The following MYH10 variants were observed in gnomAD, a reference collection of about 807,000 sequenced individuals.
MYH10 encodes myosin-10.
MYH10 carries 55 observed loss-of-function variants against 257.8 expected under a neutral mutation model. The observed-to-expected ratio is 0.21, with a 90% CI of 0.17 to 0.27. MYH10 has a LOEUF of 0.27. Among genes scored for constraint, MYH10 ranks in the 10% least tolerant of loss-of-function variants. MYH10 has a pLI of 1.00. For synonymous variants in MYH10, 854 were observed against 921.7 expected (o/e 0.93, Z 1.33); for missense variants, 1,631 against 2,500.6 (o/e 0.65, Z 7.42).
chr17:8,501,745 G>A (rs2080904128), intron 28 of MYH10, among the ~76,000 whole-genome samples: 1 of 152,174 alleles, frequency 6.6e-6, no homozygotes, highest in Non-Finnish European at 1.5e-5. Context: ...CAGGTCTATG[G>A]CCAGAGAATT....
At chr17:8,508,526 C>T (rs776176743) in intron 26 of MYH10, 28 bp downstream of exon 26, 2 of 1,613,562 alleles carry the variant, frequency 1.2e-6, no homozygotes, top group African/African-American at 2.7e-5. Flanking sequence ...TGTCCTAGTC[C>T]CTGATTTCTC....
At position 8,521,882 on chromosome 17, in the gene MYH10, A is replaced by G. The variant is rs767681418; in HGVS notation, c.1958-597T>C. On this transcript the variant is annotated intron_variant, in intron 17 of 42. Transcript: ENST00000360416. ...CTTCAGTTCTCTTCTCAAAACATGA[A>G]TAACACTTACTAAAGGGCAAGAACA... Among the ~76,000 whole-genome samples the G allele has an allele frequency of 4.6e-5, 7 of 152,240 alleles. 1 individual carries two copies. Among genetic ancestry groups the G allele is most frequent in the Non-Finnish European group, 1.0e-4 (7 of 68,044 alleles).
At chr17:8,572,967 G>C (rs2083396446) in intron 6 of MYH10, among the ~76,000 whole-genome samples, 1 of 152,198 alleles carries the variant, frequency 6.6e-6, no homozygotes, top group South Asian at 2.1e-4. Context: ...TAAACCATCA[G>C]GGGGCAGTGA....
chr17:8,511,071 T>TATATATATATATATATATAC (rs1336387130), intron 24 of MYH10: 5 of 82,326 alleles, frequency 6.1e-5, no homozygotes, highest in East Asian at 1.1e-3. Flanking sequence ...CACACATACA[T>TATATATATATATATATATAC]ACATACACAC....
chr17:8,551,940 G>T, intron 9 of MYH10, 106 bp downstream of exon 9: 2 of 484,622 alleles, frequency 4.1e-6, no homozygotes, highest in East Asian at 3.4e-5. Context: ...CTGGAAATTT[G>T]GTGTTTTGTG....
At chr17:8,585,286 G>GTATATATATATATATATATACATATA in intron 4 of MYH10, among the ~76,000 whole-genome samples, 1 of 84,632 alleles carries the variant, frequency 1.2e-5, no homozygotes, top group African/African-American at 4.4e-5. Context: ...ATGTGTGTGT[G>GTATATATATATATATATATACATATA]TGTATATATA....
chr17:8,606,917 G>A (rs2084833385), intron 2 of MYH10, among the ~76,000 whole-genome samples: 1 of 152,132 alleles, frequency 6.6e-6, no homozygotes, highest in Admixed American at 6.5e-5. Flanking sequence ...GCAAACCCTG[G>A]CTGGCCCTTG....
At chr17:8,589,606 C>T (rs2084043987) in intron 3 of MYH10, among the ~76,000 whole-genome samples, 1 of 152,006 alleles carries the variant, frequency 6.6e-6, no homozygotes, top group African/African-American at 2.4e-5. Context: ...GGAATCATTG[C>T]TAATGTCATC....
At chr17:8,549,320 G>A (rs1420850737) in intron 9 of MYH10, among the ~76,000 whole-genome samples, 2 of 152,242 alleles carry the variant, frequency 1.3e-5, no homozygotes, top group African/African-American at 4.8e-5. Context: ...AAGCCAGCTT[G>A]CTTGGTGGTT....
intron 7 of MYH10, among the ~76,000 whole-genome samples, chr17:8,563,905 AAAGAG>A (rs1471120214): frequency 1.1e-4 from 16 of 151,860 alleles, no homozygotes; most frequent in African/African-American, 3.9e-4. Context: ...AAAAAAAAAA[AAAGAG>A]AGAGAGAAAG....
intron 28 of MYH10, among the ~76,000 whole-genome samples, chr17:8,502,961 T>G (rs138793292): frequency 4.6e-5 from 7 of 152,322 alleles, no homozygotes; most frequent in Middle Eastern, 3.4e-3. Context: ...GCCCAGGACT[T>G]AAACTACTAA....
At chr17:8,590,911 T>C (rs1487849852) in intron 3 of MYH10, among the ~76,000 whole-genome samples, 2 of 145,440 alleles carry the variant, frequency 1.4e-5, no homozygotes, top group Non-Finnish European at 1.5e-5. Context: ...CTTGCTCTAT[T>C]GCCCAGGCTG....
In MYH10 at chr17:8,614,480, G is replaced by A. The variant is rs192774039; in HGVS notation, c.345+8422C>T. On this transcript the variant is annotated intron_variant, in intron 2 of 42. Transcript: ENST00000360416. ...ACCACAGGCACACGCCACCACACCTGGCTAATTTTTGTATTTTTAGTAGAG... is the reference window on the plus strand; with the variant it reads ...ACCACAGGCACACGCCACCACACCTAGCTAATTTTTGTATTTTTAGTAGAG... Among the ~76,000 whole-genome samples, 707 of 151,820 alleles carry A rather than the reference G, an allele frequency of 4.7e-3. 5 individuals are homozygous for A. Among genetic ancestry groups the A allele is most frequent in the African/African-American group, 0.016 (655 of 41,380 alleles).
chr17:8,527,517 A>G (rs2081886270), intron 17 of MYH10, among the ~76,000 whole-genome samples: 1 of 152,188 alleles, frequency 6.6e-6, no homozygotes, highest in South Asian at 2.1e-4. Context: ...GCAGCCTGGC[A>G]CCACGGCCTA....
intron 31 of MYH10, 35 bp downstream of exon 31, chr17:8,495,102 G>T (rs1215061255): frequency 7.8e-7 from 1 of 1,276,814 alleles, no homozygotes; most frequent in Non-Finnish European, 1.1e-6. Context: ...AGAAATGTTA[G>T]TTATTATAAA....
In MYH10 at chr17:8,630,680, G is replaced by C. The variant is rs542692276; in HGVS notation, c.-58C>G. The C allele has an allele frequency of 2.0e-5, 3 of 151,604 alleles. No homozygotes were observed. Among genetic ancestry groups the C allele is most frequent in the African/African-American group, 7.3e-5 (3 of 40,976 alleles). 9.4% of individuals were successfully genotyped at this position (151,604 alleles called of 1,614,324 possible). A position where few individuals can be genotyped will look rare whatever the true frequency, so the allele number is the denominator to read the frequency against. On this transcript the variant is annotated 5_prime_UTR_variant, in exon 1 of 43. Coordinates refer to ENST00000360416, the MANE Select transcript of MYH10 (RefSeq NM_001256012.3). ...TTCAGCCGAAGATGGTGGCGCGGGC[G>C]CACGTCCCCAGCCGCGACCACAGAT...
intron 17 of MYH10, among the ~76,000 whole-genome samples, chr17:8,524,278 TA>T (rs2081759500): frequency 6.6e-6 from 1 of 151,612 alleles, no homozygotes; most frequent in Non-Finnish European, 1.5e-5. Context: ...CTGTCTCTAC[TA>T]AAAGTACAAC....
At position 8,570,082 on chromosome 17, in the gene MYH10, C is replaced by T. The variant is rs572058634; in HGVS notation, c.664-270G>A. Among the ~76,000 whole-genome samples, 7 of 152,170 alleles carry T rather than the reference C, an allele frequency of 4.6e-5. No homozygotes were observed. In the South Asian group the frequency reaches 8.3e-4, roughly 18 times the overall value. ...AGAAGATCAACTTAAGCATGGGGCA[C>T]GTAAATCAGGCAGAGAATTTTGAAA... On this transcript the variant is annotated intron_variant, in intron 6 of 42. Transcript: ENST00000360416.
Position 8,506,455 on chromosome 17 carries a change from T to C in MYH10, c.3249A>G (p.Glu1083=). The part of the protein sequence containing the change: ...RLKKEEKTRQ[E]LEKAKRKLDG... ...CGAGTTTTCTTTTGGCCTTTTCCAG[T>C]TCCTGACGAGTCTTTTCTTCCTTCT... The change falls in exon 27 of 43, where the codon GAA becomes GAG. Residue 1083 remains glutamate, a synonymous_variant. Coordinates refer to ENST00000360416, the MANE Select transcript of MYH10 (RefSeq NM_001256012.3). This position sits in a 1 kb window ranked among gnomAD's most constrained non-coding sequence, Gnocchi z 5.0. 1 of 1,612,406 alleles carries C rather than the reference T, an allele frequency of 6.2e-7. No homozygotes were observed. Among genetic ancestry groups the C allele is most frequent in the Non-Finnish European group, 8.5e-7 (1 of 1,179,510 alleles).
Sources: allele counts gnomAD v4.1 joint callset (sites outside exome capture counted in the v4.1 genomes callset), GRCh38; gene constraint gnomAD v4.1.1; non-coding constraint Gnocchi (gnomAD v3.1); transcripts MANE v1.5; gene names NCBI Gene and HGNC (gene_info 2026-07-23, HGNC 2026-07-21).